The following SEMA3A variants were observed in gnomAD, a reference collection of about 807,000 sequenced individuals.
SEMA3A encodes the protein semaphorin-3A.
Under a neutral mutation model 97.9 loss-of-function variants are expected in SEMA3A, and 29 were observed. That is an observed-to-expected ratio of 0.30 (90% CI 0.22 to 0.40). SEMA3A has a LOEUF of 0.40. Ranked by LOEUF, SEMA3A falls within the 10% of genes least tolerant of loss-of-function variation. SEMA3A has a pLI of 1.00. For synonymous variants in SEMA3A, 321 were observed against 323.7 expected (o/e 0.99, Z 0.09); for missense variants, 763 against 951.3 (o/e 0.80, Z 2.60).
intron 6 of SEMA3A, among the ~76,000 whole-genome samples, chr7:84,033,718 A>C (rs1791841831): frequency 6.6e-6 from 1 of 152,114 alleles, no homozygotes; most frequent in African/African-American, 2.4e-5. Context: ...ATACTTTGGT[A>C]GTTTAGTTGA....
intron 3 of SEMA3A, among the ~76,000 whole-genome samples, chr7:84,234,431 G>T (rs1455483565): frequency 6.6e-6 from 1 of 151,964 alleles, no homozygotes; most frequent in Non-Finnish European, 1.5e-5. Flanking sequence ...TGACACACAC[G>T]ATATTCAGTT....
chr7:84,450,801 G>A (rs955438831), intron 1 of SEMA3A, among the ~76,000 whole-genome samples: 1 of 151,992 alleles, frequency 6.6e-6, no homozygotes, highest in Non-Finnish European at 1.5e-5. Context: ...CTATTTATTT[G>A]TCCTCTTTGT....
At chr7:84,034,532 G>T in intron 6 of SEMA3A, among the ~76,000 whole-genome samples, 1 of 152,116 alleles carries the variant, frequency 6.6e-6, no homozygotes, top group South Asian at 2.1e-4. Context: ...GCACTTTGAA[G>T]ATAATAAAAT....
intron 1 of SEMA3A, among the ~76,000 whole-genome samples, chr7:84,405,365 C>A (rs1328673202): frequency 1.3e-5 from 2 of 152,128 alleles, no homozygotes; most frequent in Non-Finnish European, 2.9e-5. Context: ...TATATATGCA[C>A]CCAATACATT....
chr7:84,063,481 A>C (rs1793341739), intron 4 of SEMA3A, among the ~76,000 whole-genome samples: 1 of 151,330 alleles, frequency 6.6e-6, no homozygotes, highest in Non-Finnish European at 1.5e-5. Context: ...GAGCTACGGA[A>C]GGACATTCAA....
intron 1 of SEMA3A, among the ~76,000 whole-genome samples, chr7:84,424,265 G>A (rs1269705293): frequency 6.8e-6 from 1 of 146,402 alleles, no homozygotes; most frequent in Non-Finnish European, 1.5e-5. Flanking sequence ...CCAATGAGTG[G>A]ATAAAGAAAA....
chr7:84,110,361 C>G, intron 4 of SEMA3A, 109 bp downstream of exon 4: 1 of 1,173,968 alleles, frequency 8.5e-7, no homozygotes, highest in Non-Finnish European at 1.2e-6. Flanking sequence ...TGAAGTAGGT[C>G]CCACTGAATA....
chr7:84,220,451 G>A (rs180809433), intron 3 of SEMA3A, among the ~76,000 whole-genome samples: 18 of 152,250 alleles, frequency 1.2e-4, no homozygotes, highest in Non-Finnish European at 2.4e-4. Context: ...ATGGCAACTA[G>A]AATTAATCAT....
At chr7:84,263,033 G>A (rs918372786) in intron 3 of SEMA3A, among the ~76,000 whole-genome samples, 10 of 152,136 alleles carry the variant, frequency 6.6e-5, no homozygotes, top group Non-Finnish European at 1.5e-4. Context: ...AAATTTATAA[G>A]TCTTCTTAAA....
chr7:84,418,661 C>A (rs1584308690), intron 1 of SEMA3A, among the ~76,000 whole-genome samples: 1 of 152,048 alleles, frequency 6.6e-6, no homozygotes, highest in African/African-American at 2.4e-5. Context: ...GGACATCATA[C>A]TCTGGGTTCT....
intron 3 of SEMA3A, among the ~76,000 whole-genome samples, chr7:84,229,991 T>TC (rs1432282174): frequency 1.3e-5 from 2 of 151,976 alleles, no homozygotes; most frequent in African/African-American, 2.4e-5. Flanking sequence ...CCCCCTTTAC[T>TC]CTACTCAGTT....
intron 3 of SEMA3A, among the ~76,000 whole-genome samples, chr7:84,292,147 G>C (rs1360945647): frequency 6.6e-6 from 1 of 152,040 alleles, no homozygotes; most frequent in Non-Finnish European, 1.5e-5. Context: ...AGGGAGAATA[G>C]ATCATTATTT....
intron 3 of SEMA3A, among the ~76,000 whole-genome samples, chr7:84,286,222 C>A (rs377075466): frequency 6.6e-6 from 1 of 152,070 alleles, no homozygotes; most frequent in African/African-American, 2.4e-5. Flanking sequence ...GGCACCTCAA[C>A]GTAGCTGTAA....
At chr7:83,993,741 C>T (rs1584518893) in intron 12 of SEMA3A, among the ~76,000 whole-genome samples, 1 of 112,918 alleles carries the variant, frequency 8.9e-6, no homozygotes, top group East Asian at 2.7e-4. Flanking sequence ...CTCTGGCTGC[C>T]CTTAATATTT....
intron 5 of SEMA3A, among the ~76,000 whole-genome samples, chr7:84,056,622 A>AACAC (rs372931551): frequency 1.3e-5 from 2 of 150,678 alleles, no homozygotes; most frequent in East Asian, 1.9e-4. Context: ...CACACACAGA[A>AACAC]ACACACACAC....
intron 4 of SEMA3A, among the ~76,000 whole-genome samples, chr7:84,065,835 A>T (rs1482878384): frequency 6.6e-6 from 1 of 152,070 alleles, no homozygotes; most frequent in Non-Finnish European, 1.5e-5. Context: ...GAATTCTACC[A>T]GAGGTACGAG....
At chr7:84,337,632 G>A (rs889368221) in intron 2 of SEMA3A, among the ~76,000 whole-genome samples, 7 of 152,026 alleles carry the variant, frequency 4.6e-5, no homozygotes, top group Non-Finnish European at 8.8e-5. Flanking sequence ...GGCTTTGGAG[G>A]GAGGGATCAT....
chr7:84,130,764 C>T (rs2116026115), intron 2 of SEMA3A, among the ~76,000 whole-genome samples: 1 of 151,422 alleles, frequency 6.6e-6, no homozygotes, highest in East Asian at 2.0e-4. Flanking sequence ...TAACTTTTCT[C>T]TAGGGCATAA....
chr7:83,971,011 A>G (rs1450852617), intron 15 of SEMA3A, among the ~76,000 whole-genome samples: 1 of 152,262 alleles, frequency 6.6e-6, no homozygotes. Flanking sequence ...GTGGCTGGAA[A>G]ACATTTCAAA....
Sources: gnomAD v4.1 joint callset for allele counts (sites outside exome capture counted in the v4.1 genomes callset) on GRCh38, gnomAD v4.1.1 for gene constraint, MANE v1.5 for transcripts, NCBI Gene and HGNC (gene_info 2026-07-23, HGNC 2026-07-21) for gene names.